The following RBFOX1 variants were observed in gnomAD, a reference collection of about 807,000 sequenced individuals.
RBFOX1 encodes RNA binding fox-1 homolog 1, also known as RNA binding protein fox-1 homolog 1.
RBFOX1 carries 8 observed loss-of-function variants against 57.7 expected under a neutral mutation model. The observed-to-expected ratio is 0.14, with a 90% CI of 0.08 to 0.25. RBFOX1 has a LOEUF of 0.25. RBFOX1 is among the 10% of genes least tolerant of loss of function. The pLI is 1.00. For synonymous variants in RBFOX1, 326 were observed against 222.4 expected, an observed-to-expected ratio of 1.47 and a Z score of -4.15; for missense variants, 611 against 548.5, an observed-to-expected ratio of 1.11 and a Z score of -1.14.
chr16:5,974,514 G>A (rs191349939), intron 4 of RBFOX1, among the ~76,000 whole-genome samples: 1 of 152,128 alleles, frequency 6.6e-6, no homozygotes, highest in Non-Finnish European at 1.5e-5. Flanking sequence ...GGAGGCTGAG[G>A]CAGGAGAATC....
intron 13 of RBFOX1, among the ~76,000 whole-genome samples, chr16:7,670,547 G>C (rs149090593): frequency 1.3e-5 from 2 of 152,266 alleles, no homozygotes; most frequent in African/African-American, 2.4e-5. Context: ...GGGGTGGTTA[G>C]ACCACTGAGA....
At chr16:7,214,526 C>G (rs1295828707) in intron 4 of RBFOX1, among the ~76,000 whole-genome samples, 1 of 152,020 alleles carries the variant, frequency 6.6e-6, no homozygotes, top group African/African-American at 2.4e-5. Flanking sequence ...ATCCGTCTCT[C>G]AGACAGGAAA....
At chr16:6,875,120 C>T (rs943430999) in intron 3 of RBFOX1, among the ~76,000 whole-genome samples, 2 of 152,058 alleles carry the variant, frequency 1.3e-5, no homozygotes, top group African/African-American at 2.4e-5. Context: ...ACTGTGTTAC[C>T]CTAAGTTGCT....
intron 4 of RBFOX1, among the ~76,000 whole-genome samples, chr16:7,478,858 G>A (rs546712294): frequency 1.3e-5 from 2 of 152,128 alleles, no homozygotes; most frequent in African/African-American, 4.8e-5. Context: ...TGAGTCGAGC[G>A]CCTTGAAATA....
intron 3 of RBFOX1, among the ~76,000 whole-genome samples, chr16:6,999,930 G>A (rs1229382920): frequency 2.0e-5 from 3 of 151,912 alleles, no homozygotes; most frequent in Admixed American, 1.3e-4. Flanking sequence ...AAGTTAACCA[G>A]GTGTGGTGGC....
At chr16:5,770,165 C>A (rs149571912) in intron 3 of RBFOX1, among the ~76,000 whole-genome samples, 1 of 151,984 alleles carries the variant, frequency 6.6e-6, no homozygotes, top group Non-Finnish European at 1.5e-5. Flanking sequence ...TAAGTGAGAA[C>A]CTCTCATGTT....
At chr16:5,513,489 C>G (rs1431355927) in intron 2 of RBFOX1, among the ~76,000 whole-genome samples, 1 of 152,168 alleles carries the variant, frequency 6.6e-6, no homozygotes, top group Admixed American at 6.5e-5. Flanking sequence ...TCTTCACACA[C>G]CACACCCACC....
At chr16:6,210,328 A>G (rs867771117) in intron 1 of RBFOX1, among the ~76,000 whole-genome samples, 1 of 117,368 alleles carries the variant, frequency 8.5e-6, no homozygotes, top group African/African-American at 2.8e-5. Context: ...AAAAAAAAAA[A>G]CAAAAAAACA....
chr16:5,470,693 G>C (rs922949343), intron 2 of RBFOX1, among the ~76,000 whole-genome samples: 106 of 152,138 alleles, frequency 7.0e-4, no homozygotes, highest in African/African-American at 2.3e-3. Context: ...AGAGAGCTGA[G>C]GTAACCTGCC....
At chr16:6,342,429 G>A (rs1599834883) in intron 2 of RBFOX1, among the ~76,000 whole-genome samples, 5 of 152,102 alleles carry the variant, frequency 3.3e-5, no homozygotes, top group South Asian at 2.1e-4. Flanking sequence ...AATACAAAAC[G>A]TCAAGGTGCT....
In RBFOX1 at chr16:5,464,064, T is replaced by A. The variant is rs576732204; in HGVS notation, c.220-3152T>A. The stretch of plus-strand genomic sequence containing the variant: ...CCAGCAGGAGGAGGGAATCAGGAGG[T>A]GCCAGGGCTTCAGGCTCAATGGGCT... On this transcript the variant is annotated intron_variant, in intron 1 of 2. Transcript: ENST00000585867. Among the ~76,000 whole-genome samples, 207 of 152,046 alleles carry A rather than the reference T, an allele frequency of 1.4e-3. 2 individuals are homozygous for A. The highest frequency in any genetic ancestry group is 4.8e-3 in the African/African-American group (199 of 41,460).
At chr16:7,320,783 A>AATATTTTAAGTATGTGGTT (rs2096531371) in intron 4 of RBFOX1, among the ~76,000 whole-genome samples, 1 of 152,268 alleles carries the variant, frequency 6.6e-6, no homozygotes, top group Non-Finnish European at 1.5e-5. Flanking sequence ...AAGCCCAAAG[A>AATATTTTAAGTATGTGGTT]ATATTTTAAG....
chr16:7,297,688 CAGTTGTAGTAGT>C (rs902342715), intron 4 of RBFOX1, among the ~76,000 whole-genome samples: 1 of 151,966 alleles, frequency 6.6e-6, no homozygotes, highest in Non-Finnish European at 1.5e-5. Context: ...ATAATAACAA[CAGTTGTAGTAGT>C]AGTTGTAGTA....
intron 3 of RBFOX1, among the ~76,000 whole-genome samples, chr16:6,907,875 G>C (rs369176270): frequency 6.6e-6 from 1 of 151,682 alleles, no homozygotes; most frequent in South Asian, 2.1e-4. Flanking sequence ...TGCCCGGCCA[G>C]CTTCTGTGGT....
At chr16:7,360,936 A>C (rs185844081) in intron 4 of RBFOX1, among the ~76,000 whole-genome samples, 2 of 152,158 alleles carry the variant, frequency 1.3e-5, no homozygotes, top group African/African-American at 4.8e-5. Flanking sequence ...TCCACTGCGT[A>C]TGAGTTTTTC....
intron 4 of RBFOX1, among the ~76,000 whole-genome samples, chr16:7,413,485 A>T (rs1414330009): frequency 1.3e-5 from 2 of 152,104 alleles, no homozygotes; most frequent in Non-Finnish European, 2.9e-5. Context: ...GGTGAGGTCA[A>T]CACTACCAGC....
At chr16:6,290,678 G>A (rs1208026621) in intron 1 of RBFOX1, among the ~76,000 whole-genome samples, 6 of 152,176 alleles carry the variant, frequency 3.9e-5, no homozygotes, top group African/African-American at 1.4e-4. Context: ...GGTGTTCAGT[G>A]AATATTGGAG....
intron 3 of RBFOX1, among the ~76,000 whole-genome samples, chr16:5,864,970 G>C (rs1387045873): frequency 6.6e-6 from 1 of 152,152 alleles, no homozygotes; most frequent in Admixed American, 6.5e-5. Flanking sequence ...GGACAGCTAT[G>C]TGTATGCCTT....
rs557543055 is a variant in RBFOX1 at position 5,693,694 on chromosome 16, C to G, written c.318+94733C>G. ...TTTGATGCCAGTTAAATTAAATAAT[C>G]TTAAATGTCACCTACAGTGACTTCC... On this transcript the variant is annotated intron_variant, in intron 3 of 19. Coordinates refer to the RBFOX1 transcript ENST00000641259. Among the ~76,000 whole-genome samples the G allele has an allele frequency of 1.1e-3, 163 of 152,292 alleles. 1 individual carries two copies. In the Middle Eastern group the frequency reaches 0.017, roughly 16 times the overall value.
Sources: allele counts gnomAD v4.1 joint callset (sites outside exome capture counted in the v4.1 genomes callset), GRCh38; gene constraint gnomAD v4.1.1; transcripts MANE v1.5; gene names NCBI Gene and HGNC (gene_info 2026-07-23, HGNC 2026-07-21).